DLGAP2: variants seen among roughly 807,000 people sequenced by gnomAD.
DLGAP2 encodes the protein DLG associated protein 2.
In DLGAP2, 26 loss-of-function variants were observed where a neutral mutation model predicts 100.3. The observed-to-expected ratio is 0.26, with a 90% CI of 0.19 to 0.36. The LOEUF is 0.36. DLGAP2 is among the 10% of genes least tolerant of loss of function. The pLI is 1.00. For missense variants in DLGAP2, 1,858 were observed against 1,453.2 expected (o/e 1.28, Z -4.53); for synonymous variants, 886 against 630.1 (o/e 1.41, Z -6.08).
At chr8:1,336,474 G>T (rs142377590) in intron 3 of DLGAP2, among the ~76,000 whole-genome samples, 1 of 152,214 alleles carries the variant, frequency 6.6e-6, no homozygotes, top group Non-Finnish European at 1.5e-5. Context: ...ACAGACGTCC[G>T]TTATGAGGAC....
In DLGAP2 at chr8:1,335,815, A is replaced by G. The variant is rs73670770; in HGVS notation, c.106+76932A>G. Among the ~76,000 whole-genome samples, 216 of 152,388 alleles carry G rather than the reference A, an allele frequency of 1.4e-3. 1 individual carries two copies. Among genetic ancestry groups the G allele is most frequent in the African/African-American group, 5.0e-3 (208 of 41,596 alleles). ...GGGTTTATTGTGGTGCAATAAAACA[A>G]GTTTCAGATAAATAAGAAAATGTGG... On this transcript the variant is annotated intron_variant, in intron 3 of 14. Coordinates refer to ENST00000637795, the MANE Select transcript of DLGAP2 (RefSeq NM_001346810.2).
chr8:947,437 C>A (rs1051975920), intron 2 of DLGAP2, among the ~76,000 whole-genome samples: 1 of 152,222 alleles, frequency 6.6e-6, no homozygotes, highest in Admixed American at 6.5e-5. Flanking sequence ...AGGCCCCTTA[C>A]GTCCGCGCGG....
At chr8:837,889 T>G (rs1266390926) in intron 1 of DLGAP2, among the ~76,000 whole-genome samples, 40 of 132,142 alleles carry the variant, frequency 3.0e-4, no homozygotes, top group African/African-American at 5.8e-4. Flanking sequence ...GCTAGTTGTT[T>G]TTTGTTTTTT....
At chr8:902,991 G>GT (rs1201666892) in intron 1 of DLGAP2, among the ~76,000 whole-genome samples, 1 of 104,284 alleles carries the variant, frequency 9.6e-6, no homozygotes, top group African/African-American at 3.8e-5. Flanking sequence ...GGGGCGGGGG[G>GT]GCGGAAAGTG....
intron 1 of DLGAP2, among the ~76,000 whole-genome samples, chr8:774,034 G>A (rs1292106360): frequency 2.0e-5 from 3 of 152,154 alleles, no homozygotes; most frequent in South Asian, 2.1e-4. Flanking sequence ...TTTAATGATT[G>A]CCATTCTAAC....
intron 2 of DLGAP2, among the ~76,000 whole-genome samples, chr8:1,206,893 C>CT (rs1456442553): frequency 6.6e-6 from 1 of 152,178 alleles, no homozygotes; most frequent in African/African-American, 2.4e-5. Context: ...TGTCCCCGGT[C>CT]TGCCCCCGGC....
intron 3 of DLGAP2, among the ~76,000 whole-genome samples, chr8:1,388,625 T>G (rs112400604): frequency 0.014 from 520 of 36,628 alleles, no homozygotes; most frequent in Non-Finnish European, 0.016. Flanking sequence ...ATGGGGAGGC[T>G]CTGGTTCAGG....
chr8:1,264,523 A>G (rs899619233), intron 3 of DLGAP2, among the ~76,000 whole-genome samples: 5 of 152,126 alleles, frequency 3.3e-5, no homozygotes, highest in African/African-American at 7.2e-5. Flanking sequence ...AATTTATACT[A>G]CCTGTATGTT....
At chr8:1,203,757 A>C (rs529318387) in intron 2 of DLGAP2, among the ~76,000 whole-genome samples, 58 of 152,314 alleles carry the variant, frequency 3.8e-4, no homozygotes, top group Admixed American at 1.7e-3. Context: ...ACAGTGATGA[A>C]ATATCACTGT....
At chr8:1,389,509 G>A (rs1796297648) in intron 3 of DLGAP2, among the ~76,000 whole-genome samples, 1 of 152,182 alleles carries the variant, frequency 6.6e-6, no homozygotes, top group Admixed American at 6.5e-5. Context: ...ACTCAGAGCT[G>A]GAAGAGGTGT....
intron 2 of DLGAP2, among the ~76,000 whole-genome samples, chr8:1,000,459 C>A (rs1800920785): frequency 6.6e-6 from 1 of 150,680 alleles, no homozygotes; most frequent in Non-Finnish European, 1.5e-5. Flanking sequence ...TTTTGTTTTG[C>A]ACTGGATTTT....
intron 10 of DLGAP2, among the ~76,000 whole-genome samples, chr8:1,675,462 T>C (rs907529014): frequency 7.9e-5 from 12 of 152,170 alleles, no homozygotes; most frequent in African/African-American, 2.7e-4. Flanking sequence ...ACCAAATAAG[T>C]CTTCGCTGTT....
chr8:1,010,337 A>G (rs1801242375), intron 2 of DLGAP2, among the ~76,000 whole-genome samples: 1 of 152,042 alleles, frequency 6.6e-6, no homozygotes. Flanking sequence ...ATGTGCCCAC[A>G]TATGCACACA....
At position 1,069,718 on chromosome 8, in the gene DLGAP2, G is replaced by C. The variant is rs369882577; in HGVS notation, c.73+161752G>C. On this transcript the variant is annotated intron_variant, in intron 2 of 14. Transcript: ENST00000637795. ...GCTGTACCTACGATAAAAGTTATTT[G>C]TGCTCGCCAAATGCTGAGTGCTGGC... 2.8e-4 allele frequency among the ~76,000 whole-genome samples: 42 copies of C among 152,244 alleles called. No individual in the cohort carries two copies. The Middle Eastern group carries it at 0.01, about 37-fold the overall frequency.
chr8:1,516,340 T>G (rs1800379509), intron 4 of DLGAP2, among the ~76,000 whole-genome samples: 1 of 150,966 alleles, frequency 6.6e-6, no homozygotes, highest in Non-Finnish European at 1.5e-5. Context: ...AGTTCATGAA[T>G]GAGTGAGTGA....
intron 3 of DLGAP2, among the ~76,000 whole-genome samples, chr8:1,470,218 G>A (rs1192020293): frequency 6.6e-6 from 1 of 152,032 alleles, no homozygotes; most frequent in East Asian, 1.9e-4. Context: ...GACCATGGAT[G>A]CTTCACTCCG....
intron 2 of DLGAP2, among the ~76,000 whole-genome samples, chr8:1,214,890 C>G (rs1243440385): frequency 1.3e-5 from 2 of 152,208 alleles, no homozygotes; most frequent in African/African-American, 4.8e-5. Flanking sequence ...GTGGCCATAA[C>G]CTGAAGTTAA....
chr8:1,535,517 G>T (rs930529202), intron 4 of DLGAP2, among the ~76,000 whole-genome samples: 3 of 152,180 alleles, frequency 2.0e-5, no homozygotes, highest in Non-Finnish European at 2.9e-5. Flanking sequence ...TAGCACAGAC[G>T]TGTTCAAGCG....
chr8:1,417,236 C>T (rs1197949928), intron 3 of DLGAP2, among the ~76,000 whole-genome samples: 1 of 88,846 alleles, frequency 1.1e-5, no homozygotes, highest in Non-Finnish European at 2.3e-5. Flanking sequence ...CGTTTGGCGT[C>T]TGAGGTGGGG....
Sources: allele counts gnomAD v4.1 joint callset (sites outside exome capture counted in the v4.1 genomes callset), GRCh38; gene constraint gnomAD v4.1.1; transcripts MANE v1.5; gene names NCBI Gene and HGNC (gene_info 2026-07-23, HGNC 2026-07-21).